The following RETREG1 variants were observed in gnomAD, a reference collection of about 807,000 sequenced individuals.
The protein encoded by RETREG1 is reticulophagy regulator 1.
A neutral mutation model predicts 54.8 loss-of-function variants in RETREG1; 44 were observed. The ratio of observed to expected loss-of-function variants is 0.80; its 90% CI spans 0.63 to 1.03. The LOEUF is 1.03. RETREG1 is among the 50% of genes least tolerant of loss of function. The pLI is 0.00. For missense variants in RETREG1, 554 were observed against 605.1 expected, an observed-to-expected ratio of 0.92 and a Z score of 0.89; for synonymous variants, 217 against 238.5, an observed-to-expected ratio of 0.91 and a Z score of 0.83.
rs1742606513 is a variant in RETREG1, at chr5:16,585,567, G to C, written c.321-13465C>G. 6.6e-6 allele frequency among the ~76,000 whole-genome samples: 1 copy of C among 152,212 alleles called. No homozygotes were observed. Among genetic ancestry groups the C allele is most frequent in the African/African-American group, 2.4e-5 (1 of 41,460 alleles). On this transcript the variant is annotated intron_variant, in intron 1 of 8. Transcript: ENST00000306320. This position sits in a 1 kb window ranked among gnomAD's most constrained non-coding sequence, Gnocchi z 4.5. ...GTCACAGCAGGGAAGGGGACTTCGA[G>C]GCAGGGCGGGTGAGTCAAGTTCTGC...
Position 16,473,476 on chromosome 5 carries a change from C to A in RETREG1, c.*1265G>T, listed in dbSNP as rs1738387228. ...TTTCCTATATTCTTGGATTATCCTT[C>A]CTTTCTGAGGGTCTCAGATGTCTCT... is the stretch of plus-strand genomic sequence containing the variant. On this transcript the variant is annotated 3_prime_UTR_variant, in exon 9 of 9. Coordinates refer to ENST00000306320, the MANE Select transcript of RETREG1 (RefSeq NM_001034850.3). The A allele has an allele frequency of 6.6e-6, 1 of 152,562 alleles. No homozygotes were observed. Among genetic ancestry groups the A allele is most frequent in the Admixed American group, 6.5e-5 (1 of 15,280 alleles). 9.5% of individuals were successfully genotyped at this position (152,562 alleles called of 1,614,324 possible).
At chr5:16,543,010 C>T (rs981500933) in intron 3 of RETREG1, among the ~76,000 whole-genome samples, 1 of 152,184 alleles carries the variant, frequency 6.6e-6, no homozygotes, top group Non-Finnish European at 1.5e-5. Flanking sequence ...CCTTCCCTTC[C>T]AAGACAAGAA....
At chr5:16,521,999 G>A (rs770918154) in intron 3 of RETREG1, among the ~76,000 whole-genome samples, 6 of 152,150 alleles carry the variant, frequency 3.9e-5, no homozygotes, top group South Asian at 4.1e-4. Context: ...ACGGCCTTGC[G>A]GTCTTGGCTG....
At chr5:16,601,346 CAAAATTTTTAAAAAAGAGGAAAA>C (rs145106164) in intron 1 of RETREG1, among the ~76,000 whole-genome samples, 46,293 of 149,758 alleles carry the variant, frequency 0.31, 7,925 homozygotes, top group Non-Finnish European at 0.39. Context: ...TCTCTAGAAA[CAAAATTTTTAAAAAAGAGGAAAA>C]AAAACAAAGA....
At chr5:16,489,245 T>C (rs1371309331) in intron 3 of RETREG1, among the ~76,000 whole-genome samples, 1 of 151,882 alleles carries the variant, frequency 6.6e-6, no homozygotes, top group Admixed American at 6.5e-5. Context: ...CTTATTTTAC[T>C]TTTATGTGTA....
rs1255114808 is a variant in RETREG1, at chr5:16,498,886, C to A, written c.459-15414G>T. On this transcript the variant is annotated intron_variant, in intron 3 of 8. Coordinates refer to ENST00000306320, the MANE Select transcript of RETREG1 (RefSeq NM_001034850.3). ...CCCTGTACACTTATTGAGTTAAATT[C>A]TTTAAATTTTTCTTTAATAATTCTC... 2.6e-5 allele frequency among the ~76,000 whole-genome samples: 4 copies of A among 152,210 alleles called. No individual in the cohort carries two copies. In the South Asian group the frequency reaches 8.3e-4, roughly 32 times the overall value.
At chr5:16,503,958 G>A (rs1261804628) in intron 3 of RETREG1, among the ~76,000 whole-genome samples, 3 of 152,042 alleles carry the variant, frequency 2.0e-5, no homozygotes, top group African/African-American at 7.3e-5. Context: ...TGTTACATAG[G>A]TAAAGGTGTG....
intron 3 of RETREG1, among the ~76,000 whole-genome samples, chr5:16,535,518 A>G (rs13160832): frequency 2.9e-4 from 33 of 115,086 alleles, no homozygotes; most frequent in Middle Eastern, 7.4e-3. Flanking sequence ...TGGGAGCTGG[A>G]ATTCCTGCGT....
At chr5:16,505,744 A>T (rs1445677809) in intron 3 of RETREG1, among the ~76,000 whole-genome samples, 1 of 152,190 alleles carries the variant, frequency 6.6e-6, no homozygotes, top group African/African-American at 2.4e-5. Context: ...AGGTGGGGCC[A>T]AGGAACCACT....
intron 3 of RETREG1, among the ~76,000 whole-genome samples, chr5:16,527,974 T>G (rs999608482): frequency 2.0e-5 from 3 of 151,874 alleles, no homozygotes; most frequent in Non-Finnish European, 4.4e-5. Context: ...CACACCCAGC[T>G]AATTTTTTGT....
At chr5:16,502,477 G>A (rs949792557) in intron 3 of RETREG1, among the ~76,000 whole-genome samples, 8 of 152,158 alleles carry the variant, frequency 5.3e-5, no homozygotes, top group Non-Finnish European at 4.4e-5. Flanking sequence ...CAAAGGATAG[G>A]ATATTTTTGC....
At chr5:16,513,625 G>A (rs1740253262) in intron 3 of RETREG1, among the ~76,000 whole-genome samples, 1 of 152,212 alleles carries the variant, frequency 6.6e-6, no homozygotes, top group African/African-American at 2.4e-5. Flanking sequence ...TCACTCTTAA[G>A]ACAATAATCA....
At chr5:16,508,510 T>A in intron 3 of RETREG1, 1 of 1,415,906 alleles carries the variant, frequency 7.1e-7, no homozygotes, top group Non-Finnish European at 1.0e-6. Flanking sequence ...AGTCATAATA[T>A]TTTTAAAAAG....
At chr5:16,550,821 AC>A (rs1193331631) in intron 3 of RETREG1, among the ~76,000 whole-genome samples, 9 of 152,372 alleles carry the variant, frequency 5.9e-5, no homozygotes, top group African/African-American at 9.6e-5. Flanking sequence ...AAGAGCTGTA[AC>A]ATGAATCAAC....
intron 3 of RETREG1, among the ~76,000 whole-genome samples, chr5:16,539,991 C>G (rs1225740839): frequency 6.6e-6 from 1 of 152,104 alleles, no homozygotes; most frequent in Non-Finnish European, 1.5e-5. Flanking sequence ...TAAAATAATC[C>G]TCTAAAATAT....
At chr5:16,604,876 C>T (rs1223953858) in intron 1 of RETREG1, among the ~76,000 whole-genome samples, 3 of 152,326 alleles carry the variant, frequency 2.0e-5, no homozygotes, top group East Asian at 1.9e-4. Context: ...TCTAAAAGTA[C>T]GTTCGAAATC....
intron 3 of RETREG1, among the ~76,000 whole-genome samples, chr5:16,510,321 G>T (rs1449794773): frequency 1.3e-5 from 2 of 152,140 alleles, no homozygotes; most frequent in Non-Finnish European, 2.9e-5. Flanking sequence ...ACACACAACT[G>T]AAATACCAGG....
At chr5:16,512,978 C>T (rs371376045) in intron 3 of RETREG1, among the ~76,000 whole-genome samples, 48 of 151,944 alleles carry the variant, frequency 3.2e-4, no homozygotes, top group African/African-American at 1.1e-3. Flanking sequence ...ATTGATCTCT[C>T]GCAGCAACTG....
intron 1 of RETREG1, among the ~76,000 whole-genome samples, chr5:16,588,342 C>T (rs150346085): frequency 1.8e-3 from 268 of 152,246 alleles, no homozygotes; most frequent in African/African-American, 6.1e-3. Flanking sequence ...CATAAGGACA[C>T]CAGTCATATT....
Sources: gnomAD v4.1 joint callset for allele counts (sites outside exome capture counted in the v4.1 genomes callset) on GRCh38, gnomAD v4.1.1 for gene constraint, Gnocchi (gnomAD v3.1) non-coding constraint, MANE v1.5 for transcripts, NCBI Gene and HGNC (gene_info 2026-07-23, HGNC 2026-07-21) for gene names.